Variants in CA13 observed in about 807,000 individuals in gnomAD.
CA13 encodes carbonic anhydrase 13, also known as CA-XIII.
A neutral mutation model predicts 31.5 loss-of-function variants in CA13; 21 were observed. The observed-to-expected ratio is 0.67, with a 90% confidence interval of 0.47 to 0.96. CA13 has a LOEUF of 0.96. Ranked by LOEUF, CA13 falls within the 40% of genes least tolerant of loss-of-function variation. CA13 has a pLI of 0.00. For missense variants in CA13, 315 were observed against 318.9 expected (o/e 0.99, Z 0.09); for synonymous variants, 117 against 111.4 (o/e 1.05, Z -0.32).
rs1587532389 is a variant in CA13 at position 85,250,830 on chromosome 8, C to T, written c.128C>T (p.Ser43Phe). Residue 43 changes from serine (S) to phenylalanine (F), a missense_variant, in exon 2 of 7, where the codon TCT becomes TTT. By Grantham distance (155) the Ser-to-Phe change is radical. Coordinates refer to ENST00000321764, the MANE Select transcript of CA13 (RefSeq NM_198584.3). ...AAAACCAAAGAAGTGAAATATGACTCTTCCCTCCGACCACTTAGTATCAAG... is the reference window on the plus strand; with the variant it reads ...AAAACCAAAGAAGTGAAATATGACTTTTCCCTCCGACCACTTAGTATCAAG... ...EIKTKEVKYD[S>F]SLRPLSIKYD... The T allele has an allele frequency of 6.2e-7, 1 of 1,613,806 alleles. No homozygotes were observed.
At chr8:85,268,394 G>C in intron 5 of CA13, 78 bp from the exon 6 acceptor site, 1 of 1,197,946 alleles carries the variant, frequency 8.3e-7, no homozygotes, top group Non-Finnish European at 1.2e-6. Flanking sequence ...TATAATGGAA[G>C]TACATGGATG....
chr8:85,261,701 CA>C (rs1807382634), intron 3 of CA13, among the ~76,000 whole-genome samples: 1 of 152,136 alleles, frequency 6.6e-6, no homozygotes, highest in African/African-American at 2.4e-5. Flanking sequence ...GTTAGGATTA[CA>C]GGCGTGAGCC....
intron 3 of CA13, among the ~76,000 whole-genome samples, chr8:85,263,149 AGT>A (rs1218043232): frequency 6.6e-6 from 1 of 152,126 alleles, no homozygotes; most frequent in Non-Finnish European, 1.5e-5. Flanking sequence ...CTAAGGCAGG[AGT>A]GAGGCTGGCA....
chr8:85,252,514 C>T (rs1360028355), intron 2 of CA13, among the ~76,000 whole-genome samples: 2 of 152,048 alleles, frequency 1.3e-5, no homozygotes, highest in African/African-American at 2.4e-5. Context: ...AAATAATGGA[C>T]TTATAGATTA....
intron 2 of CA13, among the ~76,000 whole-genome samples, chr8:85,251,532 A>G (rs1157236100): frequency 6.6e-6 from 1 of 152,236 alleles, no homozygotes; most frequent in Non-Finnish European, 1.5e-5. Context: ...TAAAAATATT[A>G]AAGTTTAATA....
chr8:85,257,043 G>T (rs1807311293), intron 2 of CA13, among the ~76,000 whole-genome samples: 1 of 152,102 alleles, frequency 6.6e-6, no homozygotes, highest in African/African-American at 2.4e-5. Context: ...TTGCAGATGT[G>T]CTGTTCATGT....
At position 85,283,422 on chromosome 8, in the gene CA13, TG is replaced by T. The variant is rs1469966368; in HGVS notation, c.*2074del. On this transcript the variant is annotated 3_prime_UTR_variant, in exon 7 of 7. Coordinates refer to ENST00000321764, the MANE Select transcript of CA13 (RefSeq NM_198584.3). ...AGATTGATCTGTAGCAATTATTTAA[TG>T]AATTGAATATTTAAAAAATTTTTTA... 3 of 152,322 alleles carry T rather than the reference TG, an allele frequency of 2.0e-5. No homozygotes were observed. The highest frequency in any genetic ancestry group is 7.2e-5 in the African/African-American group (3 of 41,450). 9.4% of individuals were successfully genotyped at this position (152,322 alleles called of 1,614,324 possible). A position where few individuals can be genotyped will look rare whatever the true frequency, so the allele number is the denominator to read the frequency against.
intron 6 of CA13, among the ~76,000 whole-genome samples, chr8:85,276,799 C>T (rs769469882): frequency 1.1e-4 from 16 of 152,110 alleles, no homozygotes; most frequent in Non-Finnish European, 1.6e-4. Context: ...CCAGTCGACA[C>T]TCTGTATCTA....
At chr8:85,255,299 G>T (rs1033010549) in intron 2 of CA13, among the ~76,000 whole-genome samples, 1 of 149,146 alleles carries the variant, frequency 6.7e-6, no homozygotes, top group African/African-American at 2.5e-5. Flanking sequence ...ATCTCACTCT[G>T]TCACCCAGGC....
chr8:85,260,428 T>C (rs1056799589), intron 3 of CA13, among the ~76,000 whole-genome samples: 3 of 152,246 alleles, frequency 2.0e-5, no homozygotes, highest in African/African-American at 7.2e-5. Flanking sequence ...TTTTTCTTCA[T>C]GTTCTCATGG....
intron 2 of CA13, among the ~76,000 whole-genome samples, chr8:85,255,102 C>T (rs957090793): frequency 3.3e-5 from 5 of 151,274 alleles, no homozygotes; most frequent in Admixed American, 6.6e-5. Context: ...CCTTCCTCCT[C>T]CTTCTTCTTC....
chr8:85,255,619 C>G (rs1054761551), intron 2 of CA13, among the ~76,000 whole-genome samples: 2 of 152,140 alleles, frequency 1.3e-5, no homozygotes, highest in South Asian at 4.1e-4. Flanking sequence ...CTCAAGTAAT[C>G]CACCCGCCTT....
At chr8:85,276,424 G>A (rs1407554412) in intron 6 of CA13, among the ~76,000 whole-genome samples, 1 of 152,208 alleles carries the variant, frequency 6.6e-6, no homozygotes, top group Non-Finnish European at 1.5e-5. Flanking sequence ...GCATGGCGCT[G>A]GGACTGGCAG....
intron 1 of CA13, among the ~76,000 whole-genome samples, chr8:85,248,827 G>C (rs1004616983): frequency 1.3e-5 from 2 of 152,184 alleles, no homozygotes; most frequent in Non-Finnish European, 1.5e-5. Flanking sequence ...TTGATTGGAA[G>C]AATGTCACCT....
At chr8:85,259,123 C>T (rs1415634780) in intron 2 of CA13, among the ~76,000 whole-genome samples, 1 of 152,170 alleles carries the variant, frequency 6.6e-6, no homozygotes, top group Non-Finnish European at 1.5e-5. Flanking sequence ...TAAACACAAC[C>T]ATTCCTTACC....
At chr8:85,259,861 A>G (rs1807353148) in intron 3 of CA13, among the ~76,000 whole-genome samples, 1 of 152,226 alleles carries the variant, frequency 6.6e-6, no homozygotes, top group Non-Finnish European at 1.5e-5. Flanking sequence ...TCTGATATCA[A>G]ATTACAAATT....
Position 85,261,064 on chromosome 8 carries a change from G to A in CA13, c.354+1525G>A, listed in dbSNP as rs567310336. 5.3e-5 allele frequency among the ~76,000 whole-genome samples: 8 copies of A among 152,210 alleles called. No individual in the cohort carries two copies. The East Asian group carries it at 1.3e-3, about 26-fold the overall frequency. ...TACCTGCAGATCAAGGGCCATTTTT[G>A]TAGACAAAGACTTTTTTGTTGTTGT... On this transcript the variant is annotated intron_variant, in intron 3 of 6. Transcript: ENST00000321764.
chr8:85,268,672 C>A, intron 6 of CA13, 45 bp downstream of exon 6: 2 of 1,326,434 alleles, frequency 1.5e-6, no homozygotes, highest in Non-Finnish European at 2.0e-6. Flanking sequence ...TCAGAGGAAA[C>A]TGGGCTTTTT....
chr8:85,268,020 T>G, intron 5 of CA13, 56 bp downstream of exon 5: 2 of 1,122,608 alleles, frequency 1.8e-6, no homozygotes, highest in Non-Finnish European at 2.6e-6. Context: ...CCACATTCTC[T>G]TATCTTCCTT....
Sources: allele counts gnomAD v4.1 joint callset (sites outside exome capture counted in the v4.1 genomes callset), GRCh38; gene constraint gnomAD v4.1.1; transcripts MANE v1.5; gene names NCBI Gene and HGNC (gene_info 2026-07-23, HGNC 2026-07-21).